The following GRIK2 variants were observed in gnomAD, a reference collection of about 807,000 sequenced individuals.
GRIK2 encodes glutamate receptor ionotropic, kainate 2.
Under a neutral mutation model 100.3 loss-of-function variants are expected in GRIK2, and 32 were observed. That is an observed-to-expected ratio of 0.32 (90% CI 0.24 to 0.43). The LOEUF (loss-of-function observed/expected upper bound fraction) is 0.43. Among genes scored for constraint, GRIK2 ranks in the 20% least tolerant of loss-of-function variants. The pLI is 1.00. For synonymous variants in GRIK2, 417 were observed against 389.4 expected, an observed-to-expected ratio of 1.07 and a Z score of -0.83; for missense variants, 843 against 1,114.9, an observed-to-expected ratio of 0.76 and a Z score of 3.47.
intron 14 of GRIK2, among the ~76,000 whole-genome samples, chr6:101,933,788 A>G (rs564998059): frequency 6.6e-6 from 1 of 152,078 alleles, no homozygotes; most frequent in East Asian, 1.9e-4. Flanking sequence ...AGGGCAGTCA[A>G]AGGTTTATTC....
intron 2 of GRIK2, among the ~76,000 whole-genome samples, chr6:101,544,329 A>T (rs114950915): frequency 6.6e-6 from 1 of 152,182 alleles, no homozygotes; most frequent in African/African-American, 2.4e-5. Flanking sequence ...CATTCTAAAC[A>T]TAAGTTTAAG....
At chr6:101,804,659 G>C (rs1207838777) in intron 9 of GRIK2, among the ~76,000 whole-genome samples, 1 of 151,918 alleles carries the variant, frequency 6.6e-6, no homozygotes, top group Non-Finnish European at 1.5e-5. Flanking sequence ...TAGCAAGTAG[G>C]GGAATTACTA....
chr6:101,855,454 G>A (rs1784374898), intron 10 of GRIK2, among the ~76,000 whole-genome samples: 2 of 152,102 alleles, frequency 1.3e-5, no homozygotes, highest in African/African-American at 4.8e-5. Flanking sequence ...TCTTTGAAGT[G>A]GTGAATCTTG....
chr6:101,424,958 G>T (rs1198692938), intron 2 of GRIK2, among the ~76,000 whole-genome samples: 1 of 152,030 alleles, frequency 6.6e-6, no homozygotes, highest in South Asian at 2.1e-4. Context: ...TCTTAATCCA[G>T]TCTATCATTG....
intron 14 of GRIK2, among the ~76,000 whole-genome samples, chr6:102,018,809 A>G (rs887572854): frequency 6.6e-6 from 1 of 152,082 alleles, no homozygotes; most frequent in Non-Finnish European, 1.5e-5. Flanking sequence ...CTGGGCTGGA[A>G]GCAGTATTTT....
intron 2 of GRIK2, among the ~76,000 whole-genome samples, chr6:101,412,234 T>C (rs916449077): frequency 6.6e-6 from 1 of 152,080 alleles, no homozygotes; most frequent in Non-Finnish European, 1.5e-5. Context: ...ATATATTTGT[T>C]TTAGGTAGAT....
chr6:101,782,850 C>G (rs1381160675), intron 7 of GRIK2, among the ~76,000 whole-genome samples: 2 of 148,074 alleles, frequency 1.4e-5, no homozygotes, highest in Admixed American at 6.7e-5. Flanking sequence ...TGTCCCCACT[C>G]AAATCTCTTT....
Position 101,928,567 on chromosome 6 carries a change from T to G in GRIK2, c.2020T>G (p.Leu674Val), listed in dbSNP as rs1326782056. The change falls in exon 14 of 17, where the codon TTA becomes GTA. Residue 674 changes from leucine to valine, a missense_variant. Physicochemically the swap from Leu to Val is conservative, Grantham distance 32. Transcript: ENST00000369134. ...ATCCCCTATTGACTCTGCTGATGAT[T>G]TAGCTAAACAAACCAAGATAGAATA... is the stretch of plus-strand genomic sequence containing the variant. Reference protein sequence around the residue: ...MESPIDSADDLAKQTKIEYGA... With the variant: ...MESPIDSADDVAKQTKIEYGA... 6.2e-7 allele frequency: 1 copy of G among 1,609,180 alleles called. No homozygotes were observed. The highest frequency in any genetic ancestry group is 1.7e-5 in the Admixed American group (1 of 59,966).
chr6:101,551,659 A>C (rs1776513867), intron 2 of GRIK2, among the ~76,000 whole-genome samples: 1 of 152,112 alleles, frequency 6.6e-6, no homozygotes, highest in Non-Finnish European at 1.5e-5. Context: ...GCGAACAAGG[A>C]AGACAAAGCC....
chr6:101,518,870 C>T (rs1290132449), intron 2 of GRIK2, among the ~76,000 whole-genome samples: 1 of 152,022 alleles, frequency 6.6e-6, no homozygotes, highest in African/African-American at 2.4e-5. Context: ...ACAGAGTGTC[C>T]CCTTAAAGGG....
At chr6:102,056,577 A>G (rs372254747) in intron 16 of GRIK2, among the ~76,000 whole-genome samples, 2 of 152,030 alleles carry the variant, frequency 1.3e-5, no homozygotes, top group East Asian at 1.9e-4. Flanking sequence ...TTAATATTTA[A>G]GAGGTTTATG....
At chr6:101,508,093 A>AT (rs11441814) in intron 2 of GRIK2, among the ~76,000 whole-genome samples, 33,228 of 149,478 alleles carry the variant, frequency 0.22, 4,872 homozygotes, top group African/African-American at 0.41. Flanking sequence ...GATTATTATT[A>AT]TTTTTTTTTT....
chr6:101,498,724 T>G (rs1773586229), intron 2 of GRIK2, among the ~76,000 whole-genome samples: 1 of 152,082 alleles, frequency 6.6e-6, no homozygotes, highest in Non-Finnish European at 1.5e-5. Flanking sequence ...TGTTTGTTTT[T>G]TTCTTGTAAA....
intron 4 of GRIK2, among the ~76,000 whole-genome samples, chr6:101,657,277 A>AT (rs2128331712): frequency 6.6e-6 from 1 of 152,150 alleles, no homozygotes; most frequent in South Asian, 2.1e-4. Flanking sequence ...AAGATCTGAT[A>AT]TTTTTACAAG....
At chr6:101,866,503 C>T in intron 11 of GRIK2, among the ~76,000 whole-genome samples, 1 of 152,044 alleles carries the variant, frequency 6.6e-6, no homozygotes, top group East Asian at 1.9e-4. Flanking sequence ...TTGTTAGCAA[C>T]CTCATCCGAA....
chr6:101,479,491 TA>T (rs1431757046), intron 2 of GRIK2, among the ~76,000 whole-genome samples: 3 of 152,184 alleles, frequency 2.0e-5, no homozygotes, highest in Admixed American at 2.0e-4. Context: ...GATAAAACTT[TA>T]ATTTGAAGTC....
intron 7 of GRIK2, among the ~76,000 whole-genome samples, chr6:101,757,873 A>T (rs1316017299): frequency 6.6e-6 from 1 of 152,220 alleles, no homozygotes; most frequent in Non-Finnish European, 1.5e-5. Context: ...CCATTTTAGT[A>T]GTTTTTTTCT....
intron 11 of GRIK2, among the ~76,000 whole-genome samples, chr6:101,884,745 T>A (rs1295386061): frequency 1.3e-5 from 2 of 151,904 alleles, no homozygotes; most frequent in Non-Finnish European, 2.9e-5. Context: ...CAATTAAAAA[T>A]TCTCTGAGTG....
intron 14 of GRIK2, among the ~76,000 whole-genome samples, chr6:101,947,426 T>TTTTAA (rs1419923012): frequency 2.6e-5 from 4 of 152,198 alleles, no homozygotes; most frequent in Middle Eastern, 3.2e-3. Context: ...AATATCATTA[T>TTTTAA]TTTAATTTGG....
Sources: gnomAD v4.1 joint callset for allele counts (sites outside exome capture counted in the v4.1 genomes callset) on GRCh38, gnomAD v4.1.1 for gene constraint, MANE v1.5 for transcripts, NCBI Gene and HGNC (gene_info 2026-07-23, HGNC 2026-07-21) for gene names.